NLGN4X: variants seen among roughly 807,000 people sequenced by gnomAD.
The protein encoded by NLGN4X is neuroligin-4, X-linked.
In NLGN4X, 3 loss-of-function variants were observed where a neutral mutation model predicts 40.3. The observed-to-expected ratio is 0.07, with a 90% CI of 0.03 to 0.19. The LOEUF is 0.19. Among genes scored for constraint, NLGN4X ranks in the 10% least tolerant of loss-of-function variants. The pLI is 1.00. For synonymous variants in NLGN4X, 270 were observed against 306.8 expected, an observed-to-expected ratio of 0.88 and a Z score of 1.25; for missense variants, 382 against 708.3, an observed-to-expected ratio of 0.54 and a Z score of 5.23.
chrX:5,943,966 C>CAGA (rs2034039293), intron 3 of NLGN4X, among the ~76,000 whole-genome samples: 1 of 112,032 alleles, frequency 8.9e-6, no homozygotes, highest in Admixed American at 9.4e-5. Context: ...GGAGATAACC[C>CAGA]AGAAGTTCAA....
At chrX:6,072,570 T>C (rs1316204115) in intron 2 of NLGN4X, among the ~76,000 whole-genome samples, 1 of 111,838 alleles carries the variant, frequency 8.9e-6, no homozygotes, top group African/African-American at 3.3e-5. Flanking sequence ...GCAAAAATTA[T>C]AGATCTTACA....
chrX:6,061,273 C>T (rs1008599432), intron 2 of NLGN4X, among the ~76,000 whole-genome samples: 10 of 111,283 alleles, frequency 9.0e-5, no homozygotes, highest in Admixed American at 3.8e-4. Flanking sequence ...ACTTTAGTGG[C>T]TGTGGATGTC....
chrX:6,008,800 A>G (rs2036170326), intron 3 of NLGN4X, among the ~76,000 whole-genome samples: 1 of 111,865 alleles, frequency 8.9e-6, no homozygotes, highest in South Asian at 3.7e-4. Flanking sequence ...AACATTTTGT[A>G]CCTTTCCAAA....
At chrX:6,015,866 C>T (rs2036382903) in intron 3 of NLGN4X, among the ~76,000 whole-genome samples, 1 of 111,618 alleles carries the variant, frequency 9.0e-6, no homozygotes, top group South Asian at 3.8e-4. Flanking sequence ...ATATATGAGT[C>T]AATATTCAGA....
At chrX:6,051,695 G>T (rs1331407400) in intron 2 of NLGN4X, among the ~76,000 whole-genome samples, 2 of 110,849 alleles carry the variant, frequency 1.8e-5, no homozygotes, top group Non-Finnish European at 3.8e-5. Context: ...TTCTGTTGTT[G>T]TAAGTCACCC....
intron 2 of NLGN4X, among the ~76,000 whole-genome samples, chrX:6,100,235 C>T (rs2038876045): frequency 8.9e-6 from 1 of 112,336 alleles, no homozygotes; most frequent in Admixed American, 9.4e-5. Flanking sequence ...GTTCCTTGCC[C>T]TCATTCTGGT....
At chrX:5,895,110 C>T (rs1019617003) in intron 5 of NLGN4X, among the ~76,000 whole-genome samples, 13 of 112,439 alleles carry the variant, frequency 1.2e-4, no homozygotes, top group East Asian at 2.8e-4. Flanking sequence ...GAGCCAGAGG[C>T]GCCACACTTG....
chrX:6,219,617 G>A (rs1354133426), intron 1 of NLGN4X, among the ~76,000 whole-genome samples: 3 of 81,291 alleles, frequency 3.7e-5, no homozygotes, highest in African/African-American at 9.5e-5. Context: ...TCCTCCCTTC[G>A]TTCCTCCATC....
chrX:5,921,436 G>GAGAGAGAGGAGAGAC (rs1569131798), intron 3 of NLGN4X, among the ~76,000 whole-genome samples: 11 of 37,983 alleles, frequency 2.9e-4, no homozygotes, highest in Non-Finnish European at 6.5e-4. Context: ...AGAGAGAGAG[G>GAGAGAGAGGAGAGAC]AGAGACAGAG....
chrX:6,118,067 CCT>C (rs776534076), intron 2 of NLGN4X, among the ~76,000 whole-genome samples: 12 of 108,308 alleles, frequency 1.1e-4, no homozygotes, highest in Non-Finnish European at 1.5e-4. Context: ...CCACTTTCTC[CCT>C]CTCTCTCTCT....
At chrX:6,029,950 A>G (rs890522240) in intron 2 of NLGN4X, among the ~76,000 whole-genome samples, 1 of 111,561 alleles carries the variant, frequency 9.0e-6, no homozygotes, top group Non-Finnish European at 1.9e-5. Context: ...TAAACTATCA[A>G]TAAGGGACAG....
chrX:6,224,315 G>GT (rs1319290754), intron 1 of NLGN4X, among the ~76,000 whole-genome samples: 2 of 112,008 alleles, frequency 1.8e-5, no homozygotes, highest in Non-Finnish European at 3.8e-5. Context: ...TGAATGTTTA[G>GT]TTTTTTGAGA....
At chrX:5,999,706 A>G (rs1008006278) in intron 3 of NLGN4X, among the ~76,000 whole-genome samples, 3 of 112,408 alleles carry the variant, frequency 2.7e-5, no homozygotes, top group Non-Finnish European at 5.6e-5. Flanking sequence ...CCAAAAGAAC[A>G]AATGCACATG....
At chrX:6,080,668 T>C (rs1157628106) in intron 2 of NLGN4X, among the ~76,000 whole-genome samples, 1 of 111,467 alleles carries the variant, frequency 9.0e-6, no homozygotes, top group Admixed American at 9.6e-5. Context: ...CCATAAACTG[T>C]TTCCCCATAA....
At chrX:6,072,664 G>A (rs2038096562) in intron 2 of NLGN4X, among the ~76,000 whole-genome samples, 1 of 111,541 alleles carries the variant, frequency 9.0e-6, no homozygotes, top group African/African-American at 3.3e-5. Flanking sequence ...TTGCCGCTGT[G>A]CCATACGGAG....
At chrX:6,205,951 T>TA (rs751111101) in intron 1 of NLGN4X, among the ~76,000 whole-genome samples, 1 of 112,082 alleles carries the variant, frequency 8.9e-6, no homozygotes, top group Non-Finnish European at 1.9e-5. Context: ...CTCATATCCC[T>TA]AATCATGGTT....
At chrX:6,219,519 G>C (rs945803619) in intron 1 of NLGN4X, among the ~76,000 whole-genome samples, 2 of 92,238 alleles carry the variant, frequency 2.2e-5, no homozygotes, top group African/African-American at 8.4e-5. Flanking sequence ...CTCCCTCCCT[G>C]CTTCCTTTCT....
intron 5 of NLGN4X, among the ~76,000 whole-genome samples, chrX:5,894,078 C>A (rs1174651423): frequency 8.9e-6 from 1 of 111,977 alleles, no homozygotes; most frequent in African/African-American, 3.3e-5. Flanking sequence ...GGATATTTGG[C>A]AGTATCTGGA....
At chrX:6,002,280 C>T (rs1186089648) in intron 3 of NLGN4X, among the ~76,000 whole-genome samples, 1 of 111,775 alleles carries the variant, frequency 8.9e-6, no homozygotes, top group African/African-American at 3.3e-5. Context: ...GTCATATGTG[C>T]CTCATGACCC....
Sources: allele counts gnomAD v4.1 joint callset (sites outside exome capture counted in the v4.1 genomes callset), GRCh38; gene constraint gnomAD v4.1.1; transcripts MANE v1.5; gene names NCBI Gene and HGNC (gene_info 2026-07-23, HGNC 2026-07-21).